The following RAB8B variants were observed in gnomAD, a reference collection of about 807,000 sequenced individuals.
RAB8B encodes the protein ras-related protein Rab-8B.
A neutral mutation model predicts 32.0 loss-of-function variants in RAB8B; 11 were observed. The ratio of observed to expected loss-of-function variants is 0.34; its 90% CI spans 0.22 to 0.57. The LOEUF is 0.57. RAB8B is among the 20% of genes least tolerant of loss of function. The probability of loss-of-function intolerance (pLI) is 0.86; values close to 1 mark genes in which losing one functional copy is unlikely to be tolerated. For missense variants in RAB8B, 190 were observed against 258.5 expected (o/e 0.73, Z 1.82); for synonymous variants, 103 against 89.6 (o/e 1.15, Z -0.85).
At chr15:63,239,556 A>G (rs1276430920) in intron 1 of RAB8B, among the ~76,000 whole-genome samples, 5 of 151,942 alleles carry the variant, frequency 3.3e-5, no homozygotes, top group African/African-American at 1.2e-4. Context: ...AGCTGGGATT[A>G]CAGGCACCCA....
At chr15:63,209,917 C>T (rs2037733888) in intron 1 of RAB8B, among the ~76,000 whole-genome samples, 1 of 151,976 alleles carries the variant, frequency 6.6e-6, no homozygotes, top group African/African-American at 2.4e-5. Context: ...CACTCCCCAA[C>T]AGGCCCCGGT....
At chr15:63,195,934 G>T (rs1806330857) in intron 1 of RAB8B, among the ~76,000 whole-genome samples, 1 of 152,170 alleles carries the variant, frequency 6.6e-6, no homozygotes, top group Middle Eastern at 3.2e-3. Context: ...CTAGGTTAGG[G>T]GTTGCAAACT....
In RAB8B at chr15:63,229,652, G is replaced by A. The variant is rs142502399; in HGVS notation, c.125-15104G>A. ...AAAAATTAGCCAGGCTTGGTGGCAC[G>A]TGCCTGTAATTCCAGCTACTCAGGA... On this transcript the variant is annotated intron_variant, in intron 1 of 7. Transcript: ENST00000321437. 2.7e-3 allele frequency among the ~76,000 whole-genome samples: 409 copies of A among 151,834 alleles called. 3 individuals carry two copies. The highest frequency in any genetic ancestry group is 8.1e-3 in the African/African-American group (334 of 41,432).
At chr15:63,207,856 G>A (rs185248161) in intron 1 of RAB8B, among the ~76,000 whole-genome samples, 609 of 152,174 alleles carry the variant, frequency 4.0e-3, no homozygotes, top group Non-Finnish European at 7.1e-3. Context: ...GAGCCACCGC[G>A]CCTGGCCCCT....
intron 1 of RAB8B, among the ~76,000 whole-genome samples, chr15:63,239,623 C>T (rs559265870): frequency 6.6e-6 from 1 of 152,184 alleles, no homozygotes; most frequent in East Asian, 1.9e-4. Flanking sequence ...GTTGGCCAGG[C>T]TGGCCAACTC....
intron 1 of RAB8B, among the ~76,000 whole-genome samples, chr15:63,202,599 C>T (rs2037662502): frequency 6.6e-6 from 1 of 152,228 alleles, no homozygotes; most frequent in Admixed American, 6.5e-5. Flanking sequence ...TGTCTGTCCA[C>T]ATGGGGACTG....
intron 1 of RAB8B, among the ~76,000 whole-genome samples, chr15:63,219,232 A>T: frequency 6.6e-6 from 1 of 150,558 alleles, no homozygotes; most frequent in South Asian, 2.1e-4. Flanking sequence ...TGGGAGGCAG[A>T]GATTGTAGTG....
chr15:63,252,440 G>A (rs1013731750), intron 3 of RAB8B, among the ~76,000 whole-genome samples: 2 of 152,156 alleles, frequency 1.3e-5, no homozygotes, highest in African/African-American at 4.8e-5. Flanking sequence ...ATGTGGTGGA[G>A]CCTAAGTTAG....
rs542599880 is a variant in RAB8B at position 63,266,114 on chromosome 15, C to T, written c.*2495C>T. 6.6e-6 allele frequency: 1 copy of T among 152,574 alleles called. No homozygotes were observed. Among genetic ancestry groups the T allele is most frequent in the East Asian group, 1.9e-4 (1 of 5,174 alleles). 9.5% of individuals were successfully genotyped at this position (152,574 alleles called of 1,614,324 possible). A position where few individuals can be genotyped will look rare whatever the true frequency, so the allele number is the denominator to read the frequency against. Reference sequence around the variant, plus strand: ...ATTTAATGACAGATAATTGTCTGTTCCCCGCTGAAACTGAAGAAATCTAGT... The same window carrying T: ...ATTTAATGACAGATAATTGTCTGTTTCCCGCTGAAACTGAAGAAATCTAGT... On this transcript the variant is annotated 3_prime_UTR_variant, in exon 8 of 8. Coordinates refer to ENST00000321437, the MANE Select transcript of RAB8B (RefSeq NM_016530.3).
intron 1 of RAB8B, among the ~76,000 whole-genome samples, chr15:63,242,401 T>G (rs529602912): frequency 1.3e-5 from 2 of 152,156 alleles, no homozygotes; most frequent in East Asian, 1.9e-4. Context: ...TGGAGTTGGC[T>G]GGGTGGCTCA....
At chr15:63,207,785 C>T (rs1031282698) in intron 1 of RAB8B, among the ~76,000 whole-genome samples, 2 of 152,084 alleles carry the variant, frequency 1.3e-5, no homozygotes, top group African/African-American at 2.4e-5. Context: ...AGGATGGTCT[C>T]GATCTCCTGA....
At chr15:63,240,864 A>G (rs976515503) in intron 1 of RAB8B, among the ~76,000 whole-genome samples, 16 of 151,778 alleles carry the variant, frequency 1.1e-4, no homozygotes, top group African/African-American at 3.9e-4. Context: ...TTTTAAATGA[A>G]TGGAGAGTGA....
chr15:63,209,099 C>T (rs1376651179), intron 1 of RAB8B, among the ~76,000 whole-genome samples: 1 of 151,884 alleles, frequency 6.6e-6, no homozygotes, highest in East Asian at 1.9e-4. Flanking sequence ...CCATGTTGCC[C>T]AGGCTGGTTT....
At chr15:63,200,716 G>A (rs2037640614) in intron 1 of RAB8B, among the ~76,000 whole-genome samples, 1 of 152,184 alleles carries the variant, frequency 6.6e-6, no homozygotes, top group Admixed American at 6.5e-5. Flanking sequence ...GCCCTTTGCT[G>A]GTGCTAAATT....
At chr15:63,219,452 T>C (rs1484110704) in intron 1 of RAB8B, among the ~76,000 whole-genome samples, 6 of 150,286 alleles carry the variant, frequency 4.0e-5, no homozygotes, top group Non-Finnish European at 7.4e-5. Flanking sequence ...GACCAACTTT[T>C]TTTTTTTTTT....
Position 63,263,883 on chromosome 15 carries a change from A to G in RAB8B, c.*264A>G, listed in dbSNP as rs936478786. 2.8e-6 allele frequency: 1 copy of G among 355,142 alleles called. No individual in the cohort carries two copies. The highest frequency in any genetic ancestry group is 2.1e-5 in the African/African-American group (1 of 48,028). The allele number at this position is 355,142 out of a possible 1,614,324, so 22.0% of individuals were successfully genotyped here. ...TTTTCCTTGTTTTATTACCTGTTGC[A>G]GAAGCGGTTATCTTTCTTTTTTACT... On this transcript the variant is annotated 3_prime_UTR_variant, in exon 8 of 8. Coordinates refer to ENST00000321437, the MANE Select transcript of RAB8B (RefSeq NM_016530.3).
At chr15:63,208,020 C>T (rs1326701158) in intron 1 of RAB8B, among the ~76,000 whole-genome samples, 1 of 152,150 alleles carries the variant, frequency 6.6e-6, no homozygotes, top group Non-Finnish European at 1.5e-5. Context: ...GCGTCCTTCC[C>T]GAATTCCATT....
rs760571091 is a variant in RAB8B, at chr15:63,244,794, A to C, written c.163A>C (p.Lys55Gln). Residue 55 changes from lysine (K) to glutamine (Q), a missense_variant, in exon 2 of 8, where the codon AAG becomes CAG. By Grantham distance (53) the Lys-to-Gln change is moderately conservative. Transcript: ENST00000321437. ...FKIRTIELDG[K>Q]KIKLQIWDTA... ...AATTAGAACGATAGAACTAGATGGA[A>C]AGAAAATTAAGCTTCAGATATGGTA... The C allele has an allele frequency of 1.1e-5, 18 of 1,583,190 alleles. No individual in the cohort carries two copies. In the Admixed American group the frequency reaches 3.1e-4, roughly 27 times the overall value.
chr15:63,194,963 A>G (rs774751711), intron 1 of RAB8B, among the ~76,000 whole-genome samples: 48 of 152,276 alleles, frequency 3.2e-4, no homozygotes, highest in Non-Finnish European at 6.3e-4. Flanking sequence ...TAGCATTTCA[A>G]AGCTTTTATC....
Sources: gnomAD v4.1 joint callset for allele counts (sites outside exome capture counted in the v4.1 genomes callset) on GRCh38, gnomAD v4.1.1 for gene constraint, MANE v1.5 for transcripts, NCBI Gene and HGNC (gene_info 2026-07-23, HGNC 2026-07-21) for gene names.